The following CCDC142 variants were observed in gnomAD, a reference collection of about 807,000 sequenced individuals.
CCDC142 encodes coiled-coil domain-containing protein 142.
In CCDC142, 67 loss-of-function variants were observed where a neutral mutation model predicts 83.8. The observed-to-expected ratio is 0.80, with a 90% CI of 0.66 to 0.98. The LOEUF is 0.98. Among genes scored for constraint, CCDC142 ranks in the 50% least tolerant of loss-of-function variants. The pLI, the probability that CCDC142 is intolerant of heterozygous loss-of-function variation, is 0.00. For synonymous variants in CCDC142, 421 were observed against 421.2 expected (o/e 1.00, Z 0.01); for missense variants, 905 against 946.8 (o/e 0.96, Z 0.58).
chr2:74,473,148 A>C lies in CCDC142; in HGVS notation c.*1398T>G. On this transcript the variant is annotated 3_prime_UTR_variant, in exon 9 of 9. Coordinates refer to ENST00000393965, the MANE Select transcript of CCDC142 (RefSeq NM_001365575.2). ...GTGAGCTCTGAATAGCCAAAGCTTA[A>C]ACGTGAAAGTACTACAGCCCAATAT... 1 of 211,024 alleles carries C rather than the reference A, an allele frequency of 4.7e-6. No individual in the cohort carries two copies. Among genetic ancestry groups the C allele is most frequent in the South Asian group, 6.2e-5 (1 of 16,178 alleles). 13.1% of individuals were successfully genotyped at this position (211,024 alleles called of 1,614,324 possible).
chr2:74,474,977 C>T lies in CCDC142; in HGVS notation c.1935G>A (p.Leu645=). The T allele has an allele frequency of 6.2e-7, 1 of 1,612,878 alleles. No individual in the cohort carries two copies. The highest frequency in any genetic ancestry group is 2.2e-5 in the East Asian group (1 of 44,874). The part of the protein sequence containing the change: ...LSIFQQLDGA[L]LCLLQQPLPK... ...GCAGGGGCTGCTGCAACAGACACAG[C>T]AGGGCCCCATCCAGCTGCTGGAAGA... The change falls in exon 8 of 9, where the codon CTG becomes CTA. Residue 645 remains leucine, a synonymous_variant. Coordinates refer to ENST00000393965, the MANE Select transcript of CCDC142 (RefSeq NM_001365575.2).
chr2:74,480,506 G>A (rs945496104), intron 5 of CCDC142, among the ~76,000 whole-genome samples: 17 of 150,278 alleles, frequency 1.1e-4, no homozygotes, highest in African/African-American at 2.0e-4. Context: ...TGGGAGGACC[G>A]TTTAAGCCCA....
intron 5 of CCDC142, among the ~76,000 whole-genome samples, chr2:74,476,847 A>C (rs1672337093): frequency 6.6e-6 from 1 of 152,246 alleles, no homozygotes; most frequent in Non-Finnish European, 1.5e-5. Flanking sequence ...AAGACAGGAT[A>C]GACCTGGGGG....
rs924949079 is a variant in CCDC142, at chr2:74,478,647, T to C, written c.1503+2122A>G. On this transcript the variant is annotated intron_variant, in intron 5 of 8. Coordinates refer to ENST00000393965, the MANE Select transcript of CCDC142 (RefSeq NM_001365575.2). ...CCACCTTGGCCTCCCAAAAAAGTTT[T>C]TTAAAAAGATTTTTAAAAAGGGTTC... Among the ~76,000 whole-genome samples, 17 of 151,994 alleles carry C rather than the reference T, an allele frequency of 1.1e-4. No individual in the cohort carries two copies. The South Asian group carries it at 2.1e-3, about 19-fold the overall frequency.
chr2:74,482,590 G>A lies in CCDC142; in HGVS notation c.248C>T (p.Pro83Leu). ...GAGACGCTGCAGCGCGGGAGGGATC[G>A]GGCCGCCACCTGCGGGCCCCCGCCT... ...AWRRGPAGGG[P>L]IPPALQRLRA... The change falls in exon 1 of 9, where the codon CCG becomes CTG. Residue 83 changes from proline to leucine, a missense_variant. Pro to Leu is a moderately conservative substitution (Grantham distance 98). This residue lies in a region of CCDC142 where 591 missense variants were observed against 571.4 expected (regional missense o/e 1.03). Transcript: ENST00000393965. This position sits in a 1 kb window ranked among gnomAD's most constrained non-coding sequence, Gnocchi z 5.0. The A allele has an allele frequency of 1.9e-6, 3 of 1,604,234 alleles. No homozygotes were observed. The South Asian group carries it at 3.3e-5, about 18-fold the overall frequency.
rs1411249681 is a variant in CCDC142 at position 74,482,058 on chromosome 2, C to A, written c.780G>T (p.Leu260Phe). Residue 260 changes from leucine to phenylalanine, a missense_variant, in exon 1 of 9, where the codon TTG (leucine) becomes TTT (phenylalanine). Leu to Phe is a conservative substitution (Grantham distance 22). Coordinates refer to ENST00000393965, the MANE Select transcript of CCDC142 (RefSeq NM_001365575.2). This position sits in a 1 kb window ranked among gnomAD's most constrained non-coding sequence, Gnocchi z 5.0. ...GGCACCGCCTGCGGAGCTGGTCCCT[C>A]AACGCCGATCCTTGGAGCGCCTCGT... ...RLDEALQGSA[L>F]RDQLRRRCQE... 1 of 1,613,518 alleles carries A rather than the reference C, an allele frequency of 6.2e-7. No individual in the cohort carries two copies. The highest frequency in any genetic ancestry group is 8.5e-7 in the Non-Finnish European group (1 of 1,179,960).
At position 74,474,359 on chromosome 2, in the gene CCDC142, G is replaced by A; in HGVS notation, c.*187C>T. 2.8e-6 allele frequency: 2 copies of A among 705,394 alleles called. No homozygotes were observed. Among genetic ancestry groups the A allele is most frequent in the Non-Finnish European group, 4.4e-6 (2 of 451,104 alleles). The allele number at this position is 705,394 out of a possible 1,614,324, so 43.7% of individuals were successfully genotyped here. A position where few individuals can be genotyped will look rare whatever the true frequency, so the allele number is the denominator to read the frequency against. The stretch of plus-strand genomic sequence containing the variant: ...CGGTCTCCCAAAGTGCTGGATTACA[G>A]GCGTGAGCCACCTCGCCCAGCCCCT... On this transcript the variant is annotated 3_prime_UTR_variant, in exon 9 of 9. Coordinates refer to ENST00000393965, the MANE Select transcript of CCDC142 (RefSeq NM_001365575.2).
rs768916706 is a variant in CCDC142, at chr2:74,475,078, C to G, written c.1834G>C (p.Val612Leu). The G allele has an allele frequency of 6.2e-7, 1 of 1,612,904 alleles. No individual in the cohort carries two copies. The highest frequency in any genetic ancestry group is 1.1e-5 in the South Asian group (1 of 90,894). ...TCCTCTTCCAGCAACTCCCTGACCACTCCAAAGTCTTGTTTGAGCTGCAGC... is the reference window on the plus strand; with the variant it reads ...TCCTCTTCCAGCAACTCCCTGACCAGTCCAAAGTCTTGTTTGAGCTGCAGC... ...GALQLKQDFG[V>L]VRELLEEEQW... is the part of the protein sequence containing the mutation. The change falls in exon 8 of 9, where the codon GTG becomes CTG. Residue 612 changes from valine to leucine, a missense_variant. Val to Leu is a conservative substitution (Grantham distance 32). Around this residue, in one of 3 missense-constraint regions of CCDC142, gnomAD observed 265 missense variants for 288.9 expected, o/e 0.92. Coordinates refer to ENST00000393965, the MANE Select transcript of CCDC142 (RefSeq NM_001365575.2).
chr2:74,481,810 C>T lies in CCDC142; in HGVS notation c.1021+7G>A. On this transcript the variant is annotated splice_region_variant and intron_variant, in intron 1 of 8. Coordinates refer to ENST00000393965, the MANE Select transcript of CCDC142 (RefSeq NM_001365575.2). ...TTCCCAAACGCCCACCCAAGCCCAT[C>T]ACTCACCCTGACCCAGTGCCTGACT... 6.2e-7 allele frequency: 1 copy of T among 1,602,936 alleles called. No individual in the cohort carries two copies. Among genetic ancestry groups the T allele is most frequent in the Non-Finnish European group, 8.5e-7 (1 of 1,172,182 alleles).
rs1192039542 is a variant in CCDC142, at chr2:74,477,988, TAA to T, written c.1504-2264_1504-2263del. Among the ~76,000 whole-genome samples the T allele has an allele frequency of 2.9e-3, 377 of 132,044 alleles. 2 individuals carry two copies. Among genetic ancestry groups the T allele is most frequent in the Middle Eastern group, 7.8e-3 (2 of 256 alleles). 86.6% of individuals were successfully genotyped at this position (132,044 alleles called of 152,430 possible). On this transcript the variant is annotated intron_variant, in intron 5 of 8. Transcript: ENST00000393965. ...CTATGTCACGAGCCAAACTTCTAAT[TAA>T]AAAAAAAATATATATATATATAAAT...
In CCDC142 at chr2:74,482,097, CACCTGGCA is replaced by C. The variant is rs771243993; in HGVS notation, c.733_740del (p.Cys245GlyfsTer101). On this transcript the variant is annotated frameshift_variant, in exon 1 of 9. Transcript: ENST00000393965. LOFTEE classifies it high-confidence loss of function. The surrounding 1 kb of genome is among the most constrained non-coding windows in gnomAD (Gnocchi z 5.0). ...GGAGCGCCTCGTCCAGCCGACTTGC[CACCTGGCA>C]ACCCCGCTCCCCCGTCAAGAGGCGG... 1.9e-6 allele frequency: 3 copies of C among 1,613,520 alleles called. No homozygotes were observed. In the African/African-American group the frequency reaches 4.0e-5, roughly 22 times the overall value.
chr2:74,479,636 G>C (rs185750834), intron 5 of CCDC142, among the ~76,000 whole-genome samples: 2 of 152,192 alleles, frequency 1.3e-5, no homozygotes, highest in East Asian at 3.9e-4. Flanking sequence ...GTATTGCCTA[G>C]GCTGGCTGGA....
At chr2:74,478,668 G>T (rs368396544) in intron 5 of CCDC142, among the ~76,000 whole-genome samples, 1 of 151,766 alleles carries the variant, frequency 6.6e-6, no homozygotes, top group East Asian at 1.9e-4. Context: ...TTTTAAAAAG[G>T]GTTCAAGACC....
chr2:74,476,084 CACACACACACACACACACAG>C (rs1351022227), intron 5 of CCDC142, among the ~76,000 whole-genome samples: 1 of 145,558 alleles, frequency 6.9e-6, no homozygotes, highest in Non-Finnish European at 1.5e-5. Context: ...CACACACACA[CACACACACACACACACACAG>C]AGCATATGCC....
chr2:74,475,607 G>GT lies in CCDC142; in HGVS notation c.1618+4dup. On this transcript the variant is annotated splice_donor_region_variant and intron_variant, in intron 6 of 8. Transcript: ENST00000393965. Reference sequence around the variant, plus strand: ...CTGGAAGGAGAAGCTGGGATGAGGAGTTACCAGGACAGAGACGAAGCCGCC... The same window carrying GT: ...CTGGAAGGAGAAGCTGGGATGAGGAGTTTACCAGGACAGAGACGAAGCCGCC... 6.2e-7 allele frequency: 1 copy of GT among 1,609,108 alleles called. No homozygotes were observed. The highest frequency in any genetic ancestry group is 8.5e-7 in the Non-Finnish European group (1 of 1,175,836).
In CCDC142 at chr2:74,482,376, C is replaced by T; in HGVS notation, c.462G>A (p.Leu154=). Reference sequence around the variant, plus strand: ...CGAGAGTCTCCCCAGGGCCGATTCGCAGAACCGCCCCTTGGGAAGGGTGCA... The same window carrying T: ...CGAGAGTCTCCCCAGGGCCGATTCGTAGAACCGCCCCTTGGGAAGGGTGCA... ...LQLHPSQGAV[L]RIGPGETLEP... is the part of the protein sequence containing the mutation. The change falls in exon 1 of 9, where the codon CTG becomes CTA. Residue 154 remains leucine (L), a synonymous_variant. Transcript: ENST00000393965. The surrounding 1 kb of genome is among the most constrained non-coding windows in gnomAD (Gnocchi z 5.0). 1 of 1,581,232 alleles carries T rather than the reference C, an allele frequency of 6.3e-7. No individual in the cohort carries two copies. The highest frequency in any genetic ancestry group is 1.1e-5 in the South Asian group (1 of 87,594).
Position 74,482,808 on chromosome 2 carries a change from C to T in CCDC142, c.30G>A (p.Leu10=), listed in dbSNP as rs765583496. 2 of 1,599,586 alleles carry T rather than the reference C, an allele frequency of 1.3e-6. No individual in the cohort carries two copies. Among genetic ancestry groups the T allele is most frequent in the African/African-American group, 2.7e-5 (2 of 74,954 alleles). The stretch of plus-strand genomic sequence containing the variant: ...GCGGGGGCACGATAACGAGTGGAGG[C>T]AGGCTACCTGAGCGAGACGCCTGGG... MAQASRSGS[L]PPLVIVPPLR... The change falls in exon 1 of 9, where the codon CTG becomes CTA. Residue 10 remains leucine, a synonymous_variant. Transcript: ENST00000393965. The surrounding 1 kb of genome is among the most constrained non-coding windows in gnomAD (Gnocchi z 5.0).
chr2:74,482,382 C>G lies in CCDC142; in HGVS notation c.456G>C (p.Ala152=). Residue 152 remains alanine (A), a synonymous_variant, in exon 1 of 9, where the codon GCG becomes GCC. Coordinates refer to ENST00000393965, the MANE Select transcript of CCDC142 (RefSeq NM_001365575.2). This position sits in a 1 kb window ranked among gnomAD's most constrained non-coding sequence, Gnocchi z 5.0. The part of the protein sequence containing the change: ...RDLQLHPSQG[A]VLRIGPGETL... Reference sequence around the variant, plus strand: ...TCTCCCCAGGGCCGATTCGCAGAACCGCCCCTTGGGAAGGGTGCAGCTGCA... The same window carrying G: ...TCTCCCCAGGGCCGATTCGCAGAACGGCCCCTTGGGAAGGGTGCAGCTGCA... 6.3e-7 allele frequency: 1 copy of G among 1,578,394 alleles called. No individual in the cohort carries two copies. The highest frequency in any genetic ancestry group is 2.3e-5 in the East Asian group (1 of 43,582).
rs1023734785 is a variant in CCDC142, at chr2:74,480,867, C to T, written c.1405G>A (p.Ala469Thr). 3 of 1,613,836 alleles carry T rather than the reference C, an allele frequency of 1.9e-6. No individual in the cohort carries two copies. Among genetic ancestry groups the T allele is most frequent in the South Asian group, 1.1e-5 (1 of 91,072 alleles). ...GAGGCCAGGCTATACAAAGCTTCTG[C>T]CTCATGCAACAGAGGCTTTGGGTGG... ...QKDLPPLLHEAEALYSLASEE... is the reference protein window; with the variant it reads ...QKDLPPLLHETEALYSLASEE... The change falls in exon 5 of 9, where the codon GCA (alanine) becomes ACA (threonine). Residue 469 changes from alanine (A) to threonine (T), a missense_variant. Physicochemically the swap from Ala to Thr is moderately conservative, Grantham distance 58. Coordinates refer to ENST00000393965, the MANE Select transcript of CCDC142 (RefSeq NM_001365575.2).
Sources: allele counts gnomAD v4.1 joint callset (sites outside exome capture counted in the v4.1 genomes callset), GRCh38; gene constraint gnomAD v4.1.1; regional missense constraint gnomAD v4.1.1; non-coding constraint Gnocchi (gnomAD v3.1); transcripts MANE v1.5; gene names NCBI Gene and HGNC (gene_info 2026-07-23, HGNC 2026-07-21).